Variants in AMMECR1 observed in about 807,000 individuals in gnomAD.
AMMECR1 encodes the protein nuclear protein AMMECR1.
Under a neutral mutation model 22.5 loss-of-function variants are expected in AMMECR1, and 3 were observed. The observed-to-expected ratio is 0.13, with a 90% CI of 0.06 to 0.35. The LOEUF (loss-of-function observed/expected upper bound fraction) is 0.35. Among genes scored for constraint, AMMECR1 ranks in the 10% least tolerant of loss-of-function variants. The pLI, the probability that AMMECR1 is intolerant of heterozygous loss-of-function variation, is 1.00. For missense variants in AMMECR1, 235 were observed against 278.7 expected, an observed-to-expected ratio of 0.84 and a Z score of 1.12; for synonymous variants, 130 against 116.7, an observed-to-expected ratio of 1.11 and a Z score of -0.74.
At chrX:110,362,637 T>A (rs1188253035) in intron 2 of AMMECR1, among the ~76,000 whole-genome samples, 1 of 112,109 alleles carries the variant, frequency 8.9e-6, no homozygotes, top group African/African-American at 3.2e-5. Flanking sequence ...CATGTACTCC[T>A]AATGGTAAGA....
At chrX:110,391,572 A>C (rs1280850847) in intron 2 of AMMECR1, among the ~76,000 whole-genome samples, 4 of 111,950 alleles carry the variant, frequency 3.6e-5, no homozygotes, top group Non-Finnish European at 7.5e-5. Flanking sequence ...CTACGACTCT[A>C]TGGCAGTGGC....
intron 3 of AMMECR1, among the ~76,000 whole-genome samples, chrX:110,215,294 A>G (rs777572824): frequency 9.0e-6 from 1 of 111,470 alleles, no homozygotes; most frequent in Non-Finnish European, 1.9e-5. Context: ...ACCCCCTAAA[A>G]CTTTTTAAAT....
chrX:110,367,557 T>A (rs746821945), intron 2 of AMMECR1, among the ~76,000 whole-genome samples: 6 of 111,716 alleles, frequency 5.4e-5, no homozygotes, highest in South Asian at 7.6e-4. Context: ...CTCTTTCTAC[T>A]TCACTAGCTA....
chrX:110,387,510 G>T (rs1392247186), intron 2 of AMMECR1, among the ~76,000 whole-genome samples: 1 of 112,307 alleles, frequency 8.9e-6, no homozygotes, highest in East Asian at 2.8e-4. Flanking sequence ...TTCAGTTTGA[G>T]ACTTCCTAGA....
At chrX:110,264,380 G>A (rs1177738980) in intron 2 of AMMECR1, 109 bp downstream of exon 2, 1 of 457,427 alleles carries the variant, frequency 2.2e-6, no homozygotes, top group Non-Finnish European at 3.8e-6. Flanking sequence ...TGACATGAAG[G>A]AAGACAAGAA....
At position 110,408,170 on chromosome X, in the gene AMMECR1, G is replaced by T. The variant is rs768725651; in HGVS notation, c.-148+18488C>A. On this transcript the variant is annotated intron_variant, in intron 2 of 7. Transcript: ENST00000372057. Reference sequence around the variant, plus strand: ...CCCAGCCTAGCTGAACTGAGCAGGAGCAGGTGAGGCTTAGGAGTCCTGCCA... The same window carrying T: ...CCCAGCCTAGCTGAACTGAGCAGGATCAGGTGAGGCTTAGGAGTCCTGCCA... Among the ~76,000 whole-genome samples, 12 of 112,749 alleles carry T rather than the reference G, an allele frequency of 1.1e-4. No individual in the cohort carries two copies. The East Asian group carries it at 2.5e-3, about 24-fold the overall frequency.
At chrX:110,432,099 G>A (rs1434388830) in intron 1 of AMMECR1, among the ~76,000 whole-genome samples, 1 of 112,073 alleles carries the variant, frequency 8.9e-6, no homozygotes, top group Non-Finnish European at 1.9e-5. Flanking sequence ...AGAGGAAGCT[G>A]GGGATTTAAG....
intron 4 of AMMECR1, among the ~76,000 whole-genome samples, chrX:110,201,843 AAAG>A (rs756989663): frequency 1.8e-5 from 2 of 112,396 alleles, no homozygotes; most frequent in South Asian, 7.3e-4. Context: ...AGTTGCTAAG[AAAG>A]GATAAAATAC....
intron 3 of AMMECR1, among the ~76,000 whole-genome samples, chrX:110,203,081 C>T (rs1429584575): frequency 5.3e-5 from 6 of 112,311 alleles, no homozygotes; most frequent in Non-Finnish European, 1.1e-4. Flanking sequence ...CCAGATCCTA[C>T]ATCATCACCC....
intron 2 of AMMECR1, among the ~76,000 whole-genome samples, chrX:110,324,258 A>C (rs1358970349): frequency 5.4e-5 from 6 of 111,177 alleles, no homozygotes; most frequent in Non-Finnish European, 7.6e-5. Context: ...TAGCCTCCCA[A>C]AGTGCTGGGA....
At chrX:110,244,858 G>A (rs985197237) in intron 2 of AMMECR1, among the ~76,000 whole-genome samples, 5 of 112,201 alleles carry the variant, frequency 4.5e-5, no homozygotes, top group Non-Finnish European at 9.4e-5. Context: ...AGAAAACACT[G>A]AATGTATCTT....
Position 110,247,243 on chromosome X carries a change from T to C in AMMECR1, c.584+17246A>G, listed in dbSNP as rs763834630. On this transcript the variant is annotated intron_variant, in intron 2 of 5. Coordinates refer to ENST00000262844, the MANE Select transcript of AMMECR1 (RefSeq NM_015365.3). ...CTATTAGGAAACACGTGACATGGGC[T>C]GCGCATGATAGCTCACTCCTGTAAT... 2.0e-3 allele frequency among the ~76,000 whole-genome samples: 226 copies of C among 112,288 alleles called. 1 individual carries two copies. The highest frequency in any genetic ancestry group is 7.1e-3 in the African/African-American group (221 of 30,912).
intron 2 of AMMECR1, among the ~76,000 whole-genome samples, chrX:110,425,970 G>A (rs974746469): frequency 9.0e-5 from 10 of 110,557 alleles, no homozygotes; most frequent in African/African-American, 3.4e-4. Flanking sequence ...AGTTTAGTGC[G>A]TGCGTGCGCG....
intron 3 of AMMECR1, among the ~76,000 whole-genome samples, chrX:110,213,739 A>T (rs2067458687): frequency 1.8e-5 from 2 of 111,698 alleles, no homozygotes; most frequent in Non-Finnish European, 3.8e-5. Context: ...TTCCCACAAT[A>T]CTATTACTCC....
At chrX:110,244,589 G>A (rs1162370368) in intron 2 of AMMECR1, among the ~76,000 whole-genome samples, 1 of 111,835 alleles carries the variant, frequency 8.9e-6, no homozygotes, top group Non-Finnish European at 1.9e-5. Context: ...TACATCTAAT[G>A]CAGTTATTTT....
intron 2 of AMMECR1, among the ~76,000 whole-genome samples, chrX:110,417,173 C>T (rs1435805322): frequency 8.9e-6 from 1 of 112,205 alleles, no homozygotes; most frequent in East Asian, 2.8e-4. Flanking sequence ...CTCTGAATCC[C>T]TCCTCTCGGC....
chrX:110,339,496 A>T (rs1602909675), intron 2 of AMMECR1, among the ~76,000 whole-genome samples: 2 of 95,396 alleles, frequency 2.1e-5, no homozygotes, highest in African/African-American at 7.4e-5. Context: ...TTTTATTTTT[A>T]TTATTATTAT....
chrX:110,401,344 C>A (rs1320708192), intron 2 of AMMECR1, among the ~76,000 whole-genome samples: 1 of 111,279 alleles, frequency 9.0e-6, no homozygotes, highest in Non-Finnish European at 1.9e-5. Context: ...TACTACAGTG[C>A]CACCTACATG....
chrX:110,200,096 C>CA (rs752343391), intron 5 of AMMECR1, among the ~76,000 whole-genome samples: 13 of 110,180 alleles, frequency 1.2e-4, no homozygotes, highest in South Asian at 3.8e-4. Context: ...TTCCTCCTGT[C>CA]AAAAAAAAAT....
Sources: gnomAD v4.1 joint callset for allele counts (sites outside exome capture counted in the v4.1 genomes callset) on GRCh38, gnomAD v4.1.1 for gene constraint, MANE v1.5 for transcripts, NCBI Gene and HGNC (gene_info 2026-07-23, HGNC 2026-07-21) for gene names.